Variants in CARMIL1 observed in about 807,000 individuals in gnomAD.
CARMIL1 encodes F-actin-uncapping protein LRRC16A.
A neutral mutation model predicts 177.1 loss-of-function variants in CARMIL1; 90 were observed. The ratio of observed to expected loss-of-function variants is 0.51; its 90% CI spans 0.43 to 0.61. The LOEUF is 0.61. CARMIL1 is among the 20% of genes least tolerant of loss of function. CARMIL1 has a pLI of 0.00. For synonymous variants in CARMIL1, 577 were observed against 606.2 expected (o/e 0.95, Z 0.71); for missense variants, 1,380 against 1,667.0 (o/e 0.83, Z 3.00).
rs543706440 is a variant in CARMIL1 at position 25,554,684 on chromosome 6, G to A, written c.2592+588G>A. Among the ~76,000 whole-genome samples, 17 of 152,078 alleles carry A rather than the reference G, an allele frequency of 1.1e-4. No individual in the cohort carries two copies. The highest frequency in any genetic ancestry group is 1.9e-4 in the East Asian group (1 of 5,160). On this transcript the variant is annotated intron_variant, in intron 28 of 36. Coordinates refer to ENST00000329474, the MANE Select transcript of CARMIL1 (RefSeq NM_017640.6). This position sits in a 1 kb window ranked among gnomAD's most constrained non-coding sequence, Gnocchi z 4.6. ...AAATGTATCAGAAACTCAATGTTGC[G>A]CAAACTTCAGGAAGTTCTCTGAGGT...
chr6:25,404,889 G>T (rs1001445378), intron 2 of CARMIL1, among the ~76,000 whole-genome samples: 3 of 152,208 alleles, frequency 2.0e-5, no homozygotes, highest in African/African-American at 7.2e-5. Flanking sequence ...ATCTGTAGCA[G>T]TAAAGACAGA....
chr6:25,353,111 C>G (rs1426000320), intron 2 of CARMIL1, among the ~76,000 whole-genome samples: 1 of 152,198 alleles, frequency 6.6e-6, no homozygotes, highest in South Asian at 2.1e-4. Flanking sequence ...GATATGACAG[C>G]TGCTCTCTAG....
chr6:25,517,374 C>G lies in CARMIL1; in HGVS notation c.1833C>G (p.Ile611Met). ...CTGTAATATGGGACAAGAACAACATCACTGCACAAGGCTTTCAGGATATAG... is the reference window on the plus strand; with the variant it reads ...CTGTAATATGGGACAAGAACAACATGACTGCACAAGGCTTTCAGGATATAG... ...LRTVIWDKNN[I>M]TAQGFQDIAV... Residue 611 changes from isoleucine (I) to methionine (M), a missense_variant, in exon 22 of 37, where the codon ATC becomes ATG. Coordinates refer to ENST00000329474, the MANE Select transcript of CARMIL1 (RefSeq NM_017640.6). The G allele has an allele frequency of 6.2e-7, 1 of 1,613,366 alleles. No individual in the cohort carries two copies. The highest frequency in any genetic ancestry group is 8.5e-7 in the Non-Finnish European group (1 of 1,179,570).
chr6:25,598,194 T>G (rs895574025), intron 32 of CARMIL1, among the ~76,000 whole-genome samples: 1 of 152,084 alleles, frequency 6.6e-6, no homozygotes, highest in African/African-American at 2.4e-5. Flanking sequence ...AATTATTTCT[T>G]TCATAATTTC....
chr6:25,300,402 C>T (rs560499164), intron 2 of CARMIL1, among the ~76,000 whole-genome samples: 5 of 152,214 alleles, frequency 3.3e-5, no homozygotes, highest in Admixed American at 6.5e-5. Flanking sequence ...CGTGGTGGCT[C>T]ATGCCTGTAA....
At chr6:25,411,649 A>G (rs1794912220) in intron 2 of CARMIL1, among the ~76,000 whole-genome samples, 2 of 152,226 alleles carry the variant, frequency 1.3e-5, no homozygotes, top group South Asian at 4.1e-4. Context: ...TGTGTCTGGC[A>G]TGCTGTATGT....
At chr6:25,488,092 G>A (rs1347518776) in intron 12 of CARMIL1, among the ~76,000 whole-genome samples, 1 of 152,022 alleles carries the variant, frequency 6.6e-6, no homozygotes, top group Non-Finnish European at 1.5e-5. Flanking sequence ...TCTGAACTTG[G>A]ACATGCATCA....
rs189549789 is a variant in CARMIL1 at position 25,600,208 on chromosome 6, A to T, written c.3120-106A>T. The T allele has an allele frequency of 2.3e-5, 24 of 1,045,688 alleles. No individual in the cohort carries two copies. The African/African-American group carries it at 3.8e-4, about 17-fold the overall frequency. 64.8% of individuals were successfully genotyped at this position (1,045,688 alleles called of 1,614,324 possible). On this transcript the variant is annotated intron_variant, in intron 32 of 36. Coordinates refer to ENST00000329474, the MANE Select transcript of CARMIL1 (RefSeq NM_017640.6). The stretch of plus-strand genomic sequence containing the variant: ...AATCTGCTTTTAAAAATGCTTCTGA[A>T]TGGTTACTGTATATGTAGCAATCTC...
rs905704781 is a variant in CARMIL1, at chr6:25,520,711, T to C, written c.1968+374T>C. Among the ~76,000 whole-genome samples, 14 of 152,288 alleles carry C rather than the reference T, an allele frequency of 9.2e-5. 1 individual carries two copies. In the South Asian group the frequency reaches 2.9e-3, roughly 32 times the overall value. ...GATGGATCCCTCTCTTCTTTTTTCA[T>C]CAAGAAATTTAGAGTATTCCTGAGC... On this transcript the variant is annotated intron_variant, in intron 23 of 36. Coordinates refer to ENST00000329474, the MANE Select transcript of CARMIL1 (RefSeq NM_017640.6).
chr6:25,331,481 T>A (rs528270578), intron 2 of CARMIL1, among the ~76,000 whole-genome samples: 1 of 152,370 alleles, frequency 6.6e-6, no homozygotes, highest in Admixed American at 6.5e-5. Flanking sequence ...CCACCCAGGC[T>A]GTGACCTCAC....
At chr6:25,388,774 A>G (rs1373371549) in intron 2 of CARMIL1, among the ~76,000 whole-genome samples, 2 of 152,038 alleles carry the variant, frequency 1.3e-5, no homozygotes, top group African/African-American at 4.8e-5. Context: ...GGCTCAAACA[A>G]TCCTTTCACC....
At chr6:25,392,783 G>A (rs1793004315) in intron 2 of CARMIL1, among the ~76,000 whole-genome samples, 1 of 151,964 alleles carries the variant, frequency 6.6e-6, no homozygotes, top group South Asian at 2.1e-4. Context: ...TAATAAATGT[G>A]TTATTTTTAT....
At chr6:25,459,277 T>TCTTTCTTTCTTTC (rs1450322009) in intron 8 of CARMIL1, among the ~76,000 whole-genome samples, 3 of 139,676 alleles carry the variant, frequency 2.1e-5, no homozygotes, top group African/African-American at 7.7e-5. Context: ...TTTTTTTTTT[T>TCTTTCTTTCTTTC]TTTAAGACAG....
chr6:25,500,011 T>C (rs548275064), intron 16 of CARMIL1, among the ~76,000 whole-genome samples, 155 bp from the exon 17 acceptor site: 2 of 152,368 alleles, frequency 1.3e-5, no homozygotes, highest in Admixed American at 1.3e-4. Context: ...GCAGAAATGC[T>C]GTTGGCATTT....
Position 25,619,592 on chromosome 6 carries a change from C to G in CARMIL1, c.*9C>G. ...AGTTTATTTTTGTGTAAAGGTCACC[C>G]ACGCAGAAGTCTTCCTGTGCAGGGT... On this transcript the variant is annotated 3_prime_UTR_variant, in exon 37 of 37. Transcript: ENST00000329474. 1 of 1,612,410 alleles carries G rather than the reference C, an allele frequency of 6.2e-7. No homozygotes were observed. The highest frequency in any genetic ancestry group is 8.5e-7 in the Non-Finnish European group (1 of 1,179,130).
chr6:25,442,486 A>ATG (rs1797865524), intron 5 of CARMIL1, among the ~76,000 whole-genome samples: 1 of 134,788 alleles, frequency 7.4e-6, no homozygotes, highest in Non-Finnish European at 1.6e-5. Context: ...GTGTGTGTGT[A>ATG]TGTGTGTGTG....
At chr6:25,539,561 G>T (rs1211800815) in intron 25 of CARMIL1, among the ~76,000 whole-genome samples, 1 of 145,882 alleles carries the variant, frequency 6.9e-6, no homozygotes, top group Non-Finnish European at 1.5e-5. Flanking sequence ...GGAGGCGGAG[G>T]TTGCAGTGAG....
chr6:25,592,599 AG>A (rs1264845002), intron 31 of CARMIL1, among the ~76,000 whole-genome samples: 1 of 152,212 alleles, frequency 6.6e-6, no homozygotes, highest in African/African-American at 2.4e-5. Context: ...TTCACTTTTC[AG>A]CATGTCACAA....
intron 18 of CARMIL1, among the ~76,000 whole-genome samples, chr6:25,510,235 T>C (rs1214060484): frequency 3.3e-5 from 5 of 152,198 alleles, no homozygotes; most frequent in Admixed American, 3.3e-4. Context: ...TCTGCCATTA[T>C]TCATTCCCAT....
Sources: allele counts gnomAD v4.1 joint callset (sites outside exome capture counted in the v4.1 genomes callset), GRCh38; gene constraint gnomAD v4.1.1; non-coding constraint Gnocchi (gnomAD v3.1); transcripts MANE v1.5; gene names NCBI Gene and HGNC (gene_info 2026-07-23, HGNC 2026-07-21).